The following HAO1 variants were observed in gnomAD, a reference collection of about 807,000 sequenced individuals.
HAO1 encodes 2-Hydroxyacid oxidase 1.
A neutral mutation model predicts 39.7 loss-of-function variants in HAO1; 34 were observed. The ratio of observed to expected loss-of-function variants is 0.86; its 90% CI spans 0.65 to 1.14. HAO1 has a LOEUF of 1.14. HAO1 is among the 50% of genes most tolerant of loss of function. The pLI, the probability that HAO1 is intolerant of heterozygous loss-of-function variation, is 0.00. For missense variants in HAO1, 479 were observed against 464.5 expected, an observed-to-expected ratio of 1.03 and a Z score of -0.29; for synonymous variants, 172 against 173.2, an observed-to-expected ratio of 0.99 and a Z score of 0.05.
chr20:7,884,737 T>C (rs2050143228), intron 7 of HAO1, among the ~76,000 whole-genome samples: 1 of 152,186 alleles, frequency 6.6e-6, no homozygotes, highest in South Asian at 2.1e-4. Flanking sequence ...TCAAACCATA[T>C]GAGGCCTTGT....
chr20:7,927,507 G>C (rs919190412), intron 2 of HAO1, among the ~76,000 whole-genome samples: 11 of 152,070 alleles, frequency 7.2e-5, no homozygotes, highest in Admixed American at 2.6e-4. Context: ...GTAATCCATT[G>C]AATCAAATTT....
intron 4 of HAO1, among the ~76,000 whole-genome samples, chr20:7,897,231 T>C (rs1041422186): frequency 6.6e-6 from 1 of 152,204 alleles, no homozygotes; most frequent in Non-Finnish European, 1.5e-5. Flanking sequence ...TTTATGTTTA[T>C]TTTATCTCTT....
chr20:7,929,671 C>G (rs2050377257), intron 2 of HAO1, among the ~76,000 whole-genome samples: 1 of 152,126 alleles, frequency 6.6e-6, no homozygotes, highest in Non-Finnish European at 1.5e-5. Context: ...CAAGACCATC[C>G]TGGCCAACAT....
At chr20:7,912,197 C>T (rs939427194) in intron 3 of HAO1, among the ~76,000 whole-genome samples, 2 of 152,028 alleles carry the variant, frequency 1.3e-5, no homozygotes, top group African/African-American at 4.8e-5. Flanking sequence ...TTTCATGGCC[C>T]GTCACATCAT....
Position 7,883,511 on chromosome 20 carries a change from TG to T in HAO1, c.*81del. 1.0e-6 allele frequency: 1 copy of T among 972,260 alleles called. No homozygotes were observed. Among genetic ancestry groups the T allele is most frequent in the Non-Finnish European group, 1.7e-6 (1 of 595,374 alleles). The allele number at this position is 972,260 out of a possible 1,614,324, so 60.2% of individuals were successfully genotyped here. On this transcript the variant is annotated 3_prime_UTR_variant, in exon 8 of 8. Transcript: ENST00000378789. ...TATTGAAGTGGGGAATTACAGACTGTGGTCACCCTCTGCACAGTGTCTCTTT... is the reference window on the plus strand; with the variant it reads ...TATTGAAGTGGGGAATTACAGACTGTGTCACCCTCTGCACAGTGTCTCTTT...
At chr20:7,929,135 T>G (rs560853587) in intron 2 of HAO1, among the ~76,000 whole-genome samples, 1 of 152,300 alleles carries the variant, frequency 6.6e-6, no homozygotes, top group South Asian at 2.1e-4. Context: ...ATTACAAGCC[T>G]GGCTCCTAAA....
At chr20:7,936,797 T>C (rs2050414588) in intron 1 of HAO1, among the ~76,000 whole-genome samples, 2 of 152,146 alleles carry the variant, frequency 1.3e-5, no homozygotes, top group East Asian at 1.9e-4. Flanking sequence ...ATAAAATCAA[T>C]GGAATGGGAA....
At chr20:7,936,516 G>GTGTGTGTGTGTA (rs1172577227) in intron 1 of HAO1, among the ~76,000 whole-genome samples, 2 of 146,804 alleles carry the variant, frequency 1.4e-5, no homozygotes, top group South Asian at 4.4e-4. Flanking sequence ...GTGTGTGTGT[G>GTGTGTGTGTGTA]TGTGTGTGTG....
chr20:7,916,454 G>A (rs2050307517), intron 2 of HAO1, among the ~76,000 whole-genome samples: 1 of 152,138 alleles, frequency 6.6e-6, no homozygotes, highest in Non-Finnish European at 1.5e-5. Context: ...TATAATGAGA[G>A]GTTAAAAAGC....
At chr20:7,937,702 C>T (rs2050419527) in intron 1 of HAO1, among the ~76,000 whole-genome samples, 1 of 152,134 alleles carries the variant, frequency 6.6e-6, no homozygotes, top group Non-Finnish European at 1.5e-5. Context: ...GAGAAGGCTA[C>T]TTTGAATAAA....
intron 4 of HAO1, among the ~76,000 whole-genome samples, chr20:7,903,483 AT>A (rs1403933911): frequency 5.9e-5 from 9 of 151,812 alleles, no homozygotes; most frequent in Middle Eastern, 3.4e-3. Flanking sequence ...CATGGTGGTC[AT>A]GGTGGTGATA....
intron 2 of HAO1, among the ~76,000 whole-genome samples, chr20:7,933,064 C>T (rs530979466): frequency 6.6e-6 from 1 of 152,036 alleles, no homozygotes; most frequent in Non-Finnish European, 1.5e-5. Flanking sequence ...ATTTCCATGT[C>T]TTTGCTTATT....
chr20:7,912,145 G>A (rs926833048), intron 3 of HAO1, among the ~76,000 whole-genome samples: 1 of 152,144 alleles, frequency 6.6e-6, no homozygotes, highest in East Asian at 1.9e-4. Context: ...CTAGGAAGCC[G>A]CAGCCAGTTC....
intron 4 of HAO1, among the ~76,000 whole-genome samples, chr20:7,898,432 G>A (rs1407041484): frequency 1.3e-5 from 2 of 152,074 alleles, no homozygotes; most frequent in Non-Finnish European, 2.9e-5. Flanking sequence ...GCTGTCATTG[G>A]TGTATACATA....
Position 7,928,280 on chromosome 20 carries a change from C to T in HAO1, c.289+6204G>A, listed in dbSNP as rs562604771. 9.3e-4 allele frequency among the ~76,000 whole-genome samples: 141 copies of T among 152,226 alleles called. 1 individual carries two copies. The highest frequency in any genetic ancestry group is 1.3e-3 in the Admixed American group (20 of 15,280). Reference sequence around the variant, plus strand: ...GAAAGAAGTGGGCTGACATAAAGTGCGTCTAAACCCTCCAGGGCTGACATA... The same window carrying T: ...GAAAGAAGTGGGCTGACATAAAGTGTGTCTAAACCCTCCAGGGCTGACATA... On this transcript the variant is annotated intron_variant, in intron 2 of 7. Coordinates refer to ENST00000378789, the MANE Select transcript of HAO1 (RefSeq NM_017545.3).
At chr20:7,891,987 C>A (rs1055558298) in intron 5 of HAO1, among the ~76,000 whole-genome samples, 3 of 152,198 alleles carry the variant, frequency 2.0e-5, no homozygotes, top group South Asian at 2.1e-4. Flanking sequence ...TTACCTGCAA[C>A]CAACATTTAA....
intron 4 of HAO1, among the ~76,000 whole-genome samples, chr20:7,899,382 T>C (rs2050211281): frequency 6.6e-6 from 1 of 152,178 alleles, no homozygotes. Flanking sequence ...GTGCAGGGAA[T>C]ATAAACTAAA....
intron 3 of HAO1, among the ~76,000 whole-genome samples, chr20:7,909,028 A>G (rs1015881865): frequency 6.6e-6 from 1 of 152,118 alleles, no homozygotes; most frequent in Non-Finnish European, 1.5e-5. Flanking sequence ...TGTAGTCTGC[A>G]TGGCACCCCA....
chr20:7,889,337 T>C (rs1278265057), intron 5 of HAO1, among the ~76,000 whole-genome samples: 1 of 152,150 alleles, frequency 6.6e-6, no homozygotes, highest in Non-Finnish European at 1.5e-5. Flanking sequence ...AGGTAGTTTG[T>C]GTCCAGATAG....
Sources: allele counts gnomAD v4.1 joint callset (sites outside exome capture counted in the v4.1 genomes callset), GRCh38; gene constraint gnomAD v4.1.1; transcripts MANE v1.5; gene names NCBI Gene and HGNC (gene_info 2026-07-23, HGNC 2026-07-21).